Variants in PVT1 observed in about 807,000 individuals in gnomAD.
The protein encoded by PVT1 is Pvt1 oncogene.
chr8:128,008,307 G>A (rs564211207), intron 4 of PVT1, among the ~76,000 whole-genome samples: 1 of 152,338 alleles, frequency 6.6e-6, no homozygotes, highest in East Asian at 1.9e-4. Flanking sequence ...GAAGGGAGAT[G>A]TGAGAACAAA....
chr8:128,004,690 T>C (rs13266023), intron 4 of PVT1, among the ~76,000 whole-genome samples: 1 of 152,092 alleles, frequency 6.6e-6, no homozygotes, highest in Non-Finnish European at 1.5e-5. Context: ...TGAAGTAGCC[T>C]TTCGAATACC....
intron 3 of PVT1, among the ~76,000 whole-genome samples, chr8:127,903,196 G>A (rs575425300): frequency 6.6e-6 from 1 of 152,264 alleles, no homozygotes; most frequent in South Asian, 2.1e-4. Flanking sequence ...GTGATGTTGT[G>A]CATTTTTTCA....
chr8:128,058,002 T>C (rs1813781547), intron 4 of PVT1, among the ~76,000 whole-genome samples: 1 of 152,158 alleles, frequency 6.6e-6, no homozygotes, highest in Non-Finnish European at 1.5e-5. Context: ...GAGATCAAAT[T>C]AGGGTAAGAG....
chr8:128,005,873 G>T (rs147184498), intron 4 of PVT1, among the ~76,000 whole-genome samples: 1 of 152,122 alleles, frequency 6.6e-6, no homozygotes, highest in African/African-American at 2.4e-5. Flanking sequence ...GGAGGCCAAG[G>T]CAGGCAGATT....
intron 3 of PVT1, among the ~76,000 whole-genome samples, chr8:127,973,243 G>T (rs962561533): frequency 2.6e-5 from 4 of 152,066 alleles, no homozygotes; most frequent in Non-Finnish European, 4.4e-5. Context: ...CTTGCCATGT[G>T]TGCACACCTG....
intron 6 of PVT1, among the ~76,000 whole-genome samples, chr8:128,097,524 T>C (rs1221562532): frequency 6.6e-6 from 1 of 152,118 alleles, no homozygotes; most frequent in Non-Finnish European, 1.5e-5. Flanking sequence ...GCCTAAAATA[T>C]TGACCCTCTG....
At chr8:127,934,767 A>G (rs1816251589) in intron 3 of PVT1, among the ~76,000 whole-genome samples, 1 of 152,128 alleles carries the variant, frequency 6.6e-6, no homozygotes, top group South Asian at 2.1e-4. Flanking sequence ...AAGCTGCTAA[A>G]TTCTTGGCTT....
chr8:127,822,154 G>A (rs1471728059), intron 2 of PVT1, among the ~76,000 whole-genome samples: 2 of 152,112 alleles, frequency 1.3e-5, no homozygotes, highest in East Asian at 3.8e-4. Context: ...ATAGTGTCTG[G>A]CCCGTTTTAA....
chr8:127,982,462 C>T (rs977733067), intron 3 of PVT1, among the ~76,000 whole-genome samples: 2 of 152,124 alleles, frequency 1.3e-5, no homozygotes, highest in Admixed American at 1.3e-4. Flanking sequence ...TGACTTCGCA[C>T]TCATGGCAGC....
At chr8:127,847,289 A>G (rs1416438305) in intron 2 of PVT1, among the ~76,000 whole-genome samples, 2 of 152,146 alleles carry the variant, frequency 1.3e-5, no homozygotes, top group Admixed American at 1.3e-4. Flanking sequence ...AATACAGATA[A>G]AAAATACCAA....
intron 3 of PVT1, among the ~76,000 whole-genome samples, chr8:127,970,289 G>GTTTTTTGT (rs1816748877): frequency 2.0e-5 from 1 of 49,116 alleles, no homozygotes; most frequent in African/African-American, 8.5e-5. Flanking sequence ...GCCATGATTT[G>GTTTTTTGT]TTTTTTTTTT....
chr8:127,878,871 G>C (rs2129782424), intron 2 of PVT1, among the ~76,000 whole-genome samples: 1 of 152,284 alleles, frequency 6.6e-6, no homozygotes, highest in South Asian at 2.1e-4. Context: ...GTGGCCAGGG[G>C]TGGGCTGTTC....
Position 127,891,723 on chromosome 8 carries a change from C to CAG in PVT1, n.782+728_782+729dup, listed in dbSNP as rs201490215. Among the ~76,000 whole-genome samples the CAG allele has an allele frequency of 6.2e-3, 937 of 152,294 alleles. 6 individuals are homozygous for CAG. The highest frequency in any genetic ancestry group is 0.024 in the Middle Eastern group (7 of 294). On this transcript the variant is annotated intron_variant and non_coding_transcript_variant, in intron 3 of 10. Coordinates refer to ENST00000651587, the Ensembl canonical transcript of PVT1. ...ATTTCTTGGCCCTGATCTTTCTGAG[C>CAG]AGAGCCAGGGAGGCAGTGCTGGACT...
rs112027348 is a variant in PVT1, at chr8:127,936,036, T to C, written n.782+45038T>C. ...AACAGTGTCTTCTCTCTCTCTCTCT[T>C]TTTTTTTTTTTTTTTTTTTTTTACT... On this transcript the variant is annotated intron_variant and non_coding_transcript_variant, in intron 3 of 10. Coordinates refer to ENST00000651587, the Ensembl canonical transcript of PVT1. 6.8e-3 allele frequency among the ~76,000 whole-genome samples: 905 copies of C among 133,330 alleles called. 4 individuals are homozygous for C. Among genetic ancestry groups the C allele is most frequent in the Non-Finnish European group, 0.01 (647 of 63,876 alleles). 87.5% of individuals were successfully genotyped at this position (133,330 alleles called of 152,430 possible).
intron 5 of PVT1, among the ~76,000 whole-genome samples, chr8:128,095,019 G>GAC (rs1409979850): frequency 6.6e-6 from 1 of 152,220 alleles, no homozygotes; most frequent in Non-Finnish European, 1.5e-5. Flanking sequence ...TCAGAGGCTG[G>GAC]ACAGCGTCCA....
In PVT1 at chr8:128,059,041, G is replaced by A. The variant is rs144282325; in HGVS notation, n.913-11119G>A. Among the ~76,000 whole-genome samples the A allele has an allele frequency of 6.6e-5, 10 of 152,098 alleles. No homozygotes were observed. In the East Asian group the frequency reaches 1.7e-3, roughly 26 times the overall value. ...TCTCAGATGAATTAAATCATGATTT[G>A]TCTTGTTTGGAGGGGAGCCCAAGTG... is the stretch of plus-strand genomic sequence containing the variant. On this transcript the variant is annotated intron_variant and non_coding_transcript_variant, in intron 4 of 10. Transcript: ENST00000651587.
intron 3 of PVT1, among the ~76,000 whole-genome samples, chr8:127,894,178 A>C (rs578053414): frequency 6.6e-6 from 1 of 152,166 alleles, no homozygotes; most frequent in Non-Finnish European, 1.5e-5. Context: ...CTACACTGAC[A>C]TCCTGGCCAG....
intron 2 of PVT1, among the ~76,000 whole-genome samples, chr8:127,883,996 A>G (rs1217564814): frequency 3.3e-5 from 5 of 152,248 alleles, no homozygotes; most frequent in Non-Finnish European, 7.3e-5. Flanking sequence ...CTCAAAAAAT[A>G]TAAACTCCCT....
At chr8:128,065,711 C>T (rs1462216616) in intron 4 of PVT1, among the ~76,000 whole-genome samples, 1 of 151,984 alleles carries the variant, frequency 6.6e-6, no homozygotes, top group Non-Finnish European at 1.5e-5. Flanking sequence ...AGAGGAAATG[C>T]ACCAAGGGGG....
Sources: allele counts gnomAD v4.1 joint callset (sites outside exome capture counted in the v4.1 genomes callset), GRCh38; gene constraint gnomAD v4.1.1; transcripts MANE v1.5; gene names NCBI Gene and HGNC (gene_info 2026-07-23, HGNC 2026-07-21).